Variants in USP36 observed in about 807,000 individuals in gnomAD.
USP36 encodes the protein ubiquitin carboxyl-terminal hydrolase 36.
A neutral mutation model predicts 111.5 loss-of-function variants in USP36; 59 were observed. The observed-to-expected ratio is 0.53, with a 90% CI of 0.43 to 0.66. USP36 has a LOEUF of 0.66. Among genes scored for constraint, USP36 ranks in the 30% least tolerant of loss-of-function variants. USP36 has a pLI of 0.00. For synonymous variants in USP36, 628 were observed against 581.0 expected (o/e 1.08, Z -1.16); for missense variants, 1,488 against 1,468.0 (o/e 1.01, Z -0.22).
In USP36 at chr17:78,807,630, C is replaced by G; in HGVS notation, c.1414G>C (p.Asp472His). ...TGCGGCTTCTTCATCGTCCCAGAGT[C>G]TTGTCGCTAAGGAGACCAAAGCAGA... ...ISSPLTGKRQ[D>H]SGTMKKPHTT... The change falls in exon 14 of 21, where the codon GAC (aspartate) becomes CAC (histidine). Residue 472 changes from aspartate (D) to histidine (H), a missense_variant. By Grantham distance (81) the Asp-to-His change is moderately conservative. Transcript: ENST00000449938. 3 of 1,526,130 alleles carry G rather than the reference C, an allele frequency of 2.0e-6. No individual in the cohort carries two copies. Among genetic ancestry groups the G allele is most frequent in the Non-Finnish European group, 2.6e-6 (3 of 1,137,550 alleles). 94.5% of individuals were successfully genotyped at this position (1,526,130 alleles called of 1,614,324 possible). A position where few individuals can be genotyped will look rare whatever the true frequency, so the allele number is the denominator to read the frequency against.
chr17:78,824,158 ACC>A (rs1241556548), intron 6 of USP36, among the ~76,000 whole-genome samples: 46 of 152,334 alleles, frequency 3.0e-4, no homozygotes, highest in South Asian at 1.2e-3. Context: ...CCAGGAGCGC[ACC>A]AGAGGTGCCA....
chr17:78,805,873 A>G (rs981607400), intron 15 of USP36, among the ~76,000 whole-genome samples: 5 of 152,204 alleles, frequency 3.3e-5, no homozygotes, highest in Admixed American at 6.5e-5. Context: ...TCCCCAGCAC[A>G]CCACATCACC....
chr17:78,811,889 T>C (rs1228625151), intron 13 of USP36, among the ~76,000 whole-genome samples: 2 of 151,744 alleles, frequency 1.3e-5, no homozygotes, highest in Admixed American at 6.6e-5. Context: ...AAAAAGGATA[T>C]TTTTTCCTAC....
intron 1 of USP36, among the ~76,000 whole-genome samples, chr17:78,839,856 T>A (rs1343378157): frequency 1.3e-5 from 2 of 152,216 alleles, no homozygotes; most frequent in Non-Finnish European, 2.9e-5. Context: ...GGATGCTCTC[T>A]CTTGTCCAAG....
Position 78,813,859 on chromosome 17 carries a change from C to A in USP36, c.1179G>T (p.Gln393His), listed in dbSNP as rs753706546. Residue 393 changes from glutamine to histidine, a missense_variant, in exon 12 of 21, where the codon CAG becomes CAT. Physicochemically the swap from Gln to His is conservative, Grantham distance 24. Coordinates refer to ENST00000449938, the MANE Select transcript of USP36 (RefSeq NM_001385174.1). ...CCAAGGAATCATTCATCTGGTACCA[C>A]TGTCCATTGCTTGCCTGAAGCAGCC... ...YYCYVKASNG[Q>H]WYQMNDSLVH... 7.4e-6 allele frequency: 12 copies of A among 1,614,172 alleles called. No homozygotes were observed. The Admixed American group carries it at 2.0e-4, about 27-fold the overall frequency.
chr17:78,821,989 C>A lies in USP36; in HGVS notation c.705G>T (p.Thr235=), dbSNP rs369534540. The A allele has an allele frequency of 2.5e-6, 4 of 1,613,984 alleles. No homozygotes were observed. The highest frequency in any genetic ancestry group is 2.7e-5 in the African/African-American group (2 of 74,906). ...TTTGATGGACCAAGGTAGTAGCCTG[C>A]GTTTGACGATCCAACCTGAAAAGGA... ...LNGCAKLDRQ[T]QATTLVHQIF... is the part of the protein sequence containing the mutation. The change falls in exon 7 of 21, where the codon ACG becomes ACT. Residue 235 remains threonine (T), a synonymous_variant. Transcript: ENST00000449938.
intron 18 of USP36, 130 bp downstream of exon 18, chr17:78,799,537 C>A: frequency 1.3e-6 from 1 of 792,204 alleles, no homozygotes; most frequent in Non-Finnish European, 2.1e-6. Flanking sequence ...TGAGATTCCT[C>A]TTCCCATTCT....
Position 78,798,901 on chromosome 17 carries a change from A to G in USP36, c.3240+7T>C. 1 of 1,614,008 alleles carries G rather than the reference A, an allele frequency of 6.2e-7. No homozygotes were observed. Among genetic ancestry groups the G allele is most frequent in the Admixed American group, 1.7e-5 (1 of 60,020 alleles). ...CTCAAGCCTGTGGTCAGCATCACAC[A>G]TCATACCTTCCCTCGGTCAAACTCT... is the stretch of plus-strand genomic sequence containing the variant. On this transcript the variant is annotated splice_region_variant and intron_variant, in intron 19 of 20. Transcript: ENST00000449938. This position sits in a 1 kb window ranked among gnomAD's most constrained non-coding sequence, Gnocchi z 5.1.
intron 10 of USP36, among the ~76,000 whole-genome samples, chr17:78,815,237 C>G (rs1225445418): frequency 6.6e-6 from 1 of 151,730 alleles, no homozygotes; most frequent in Non-Finnish European, 1.5e-5. Context: ...GAGGCTGAGG[C>G]AGGAGAATCG....
intron 3 of USP36, among the ~76,000 whole-genome samples, chr17:78,788,290 A>G (rs1438217027): frequency 2.6e-5 from 4 of 151,662 alleles, no homozygotes; most frequent in African/African-American, 9.7e-5. Flanking sequence ...TCAGCCTCCC[A>G]AGTAGCTGGG....
intron 4 of USP36, among the ~76,000 whole-genome samples, chr17:78,834,047 G>C (rs1283344235): frequency 6.6e-6 from 1 of 152,104 alleles, no homozygotes; most frequent in Non-Finnish European, 1.5e-5. Context: ...ACGAGTTCAA[G>C]ACCAGCCTGA....
chr17:78,821,275 G>A, intron 7 of USP36: 2 of 498,444 alleles, frequency 4.0e-6, no homozygotes, highest in South Asian at 4.1e-5. Context: ...TGCACTCACA[G>A]GGCCCTCCCT....
chr17:78,791,654 C>A (rs991387394), downstream of USP36, among the ~76,000 whole-genome samples: 6 of 152,190 alleles, frequency 3.9e-5, no homozygotes, highest in Non-Finnish European at 8.8e-5. Flanking sequence ...ACGGGCTGGA[C>A]AGCTGCCCAG....
At chr17:78,835,621 G>A (rs2068592108) in intron 3 of USP36, 120 bp from the exon 4 acceptor site, 6 of 989,770 alleles carry the variant, frequency 6.1e-6, no homozygotes, top group Non-Finnish European at 7.4e-6. Context: ...CATGGCACCA[G>A]AGAAGAACTG....
chr17:78,832,759 C>T (rs1185499513), intron 4 of USP36, among the ~76,000 whole-genome samples: 2 of 152,168 alleles, frequency 1.3e-5, no homozygotes, highest in African/African-American at 4.8e-5. Context: ...ACGAAAACAA[C>T]AGCCATCTAG....
At position 78,807,178 on chromosome 17, in the gene USP36, G is replaced by A. The variant is rs1278367710; in HGVS notation, c.1866C>T (p.Asp622=). The A allele has an allele frequency of 6.2e-7, 1 of 1,614,208 alleles. No individual in the cohort carries two copies. Among genetic ancestry groups the A allele is most frequent in the Admixed American group, 1.7e-5 (1 of 60,018 alleles). Residue 622 remains aspartate, a synonymous_variant, in exon 14 of 21, where the codon GAC becomes GAT. Coordinates refer to ENST00000449938, the MANE Select transcript of USP36 (RefSeq NM_001385174.1). ...TGGGGGTCTGGGGGGCCTTGGTGGA[G>A]TCGCTGCTGGCCGAGTGCTCTGGGC... The part of the protein sequence containing the change: ...SSSPEHSASS[D]STKAPQTPRS...
chr17:78,831,723 G>A (rs1342789085), intron 4 of USP36, among the ~76,000 whole-genome samples: 2 of 151,758 alleles, frequency 1.3e-5, no homozygotes, highest in Non-Finnish European at 1.5e-5. Context: ...CAGGAGGATC[G>A]CTGAGCCCAG....
intron 7 of USP36, 22 bp downstream of exon 7, chr17:78,821,915 T>G (rs773403969): frequency 6.2e-7 from 1 of 1,613,602 alleles, no homozygotes; most frequent in Non-Finnish European, 8.5e-7. Flanking sequence ...CAAGAAGCAG[T>G]AGAACAAACG....
intron 4 of USP36, among the ~76,000 whole-genome samples, chr17:78,829,708 G>T (rs9910997): frequency 0.057 from 8,627 of 152,218 alleles, 773 homozygotes; most frequent in African/African-American, 0.19. Context: ...CCACCCCTGC[G>T]CTACATAAAA....
Sources: allele counts gnomAD v4.1 joint callset (sites outside exome capture counted in the v4.1 genomes callset), GRCh38; gene constraint gnomAD v4.1.1; non-coding constraint Gnocchi (gnomAD v3.1); transcripts MANE v1.5; gene names NCBI Gene and HGNC (gene_info 2026-07-23, HGNC 2026-07-21).